Variants in NXPE2 observed in about 807,000 individuals in gnomAD.
NXPE2 encodes neurexophilin and PC-esterase domain family member 2.
A neutral mutation model predicts 34.4 loss-of-function variants in NXPE2; 34 were observed. The observed-to-expected ratio is 0.99, with a 90% CI of 0.75 to 1.31. The LOEUF (loss-of-function observed/expected upper bound fraction) is 1.31, where lower values mean the gene tolerates loss of function less well. Among genes scored for constraint, NXPE2 ranks in the 40% most tolerant of loss-of-function variants. The pLI is 0.00. For synonymous variants in NXPE2, 235 were observed against 231.3 expected, an observed-to-expected ratio of 1.02 and a Z score of -0.15; for missense variants, 649 against 672.5, an observed-to-expected ratio of 0.97 and a Z score of 0.39.
chr11:114,719,093 T>C, the NXPE2 span, among the ~76,000 whole-genome samples: 1 of 152,222 alleles, frequency 6.6e-6, no homozygotes, highest in South Asian at 2.1e-4. Context: ...CTGTTCCTTG[T>C]ATTATTAGTT....
At chr11:114,591,731 T>C in the NXPE2 span, among the ~76,000 whole-genome samples, 1 of 151,950 alleles carries the variant, frequency 6.6e-6, no homozygotes, top group African/African-American at 2.4e-5. Context: ...AAACAATAAA[T>C]TCCATGCCCC....
the NXPE2 span, among the ~76,000 whole-genome samples, chr11:114,544,096 A>G: frequency 2.0e-5 from 3 of 152,190 alleles, no homozygotes; most frequent in African/African-American, 7.2e-5. Context: ...ATCTAAATAA[A>G]TGGAGAGAGA....
chr11:114,533,272 G>A, the NXPE2 span, among the ~76,000 whole-genome samples: 1 of 152,142 alleles, frequency 6.6e-6, no homozygotes, highest in East Asian at 1.9e-4. Flanking sequence ...AAACTCAAAA[G>A]CATTTAAATT....
intron 2 of NXPE2, among the ~76,000 whole-genome samples, chr11:114,686,626 AT>A (rs1159885016): frequency 6.6e-6 from 1 of 152,204 alleles, no homozygotes; most frequent in Non-Finnish European, 1.5e-5. Context: ...TCCATTGGGT[AT>A]ATACCCAGTA....
At chr11:114,581,372 T>C in the NXPE2 span, among the ~76,000 whole-genome samples, 1 of 152,030 alleles carries the variant, frequency 6.6e-6, no homozygotes, top group Non-Finnish European at 1.5e-5. Flanking sequence ...CTAGTGGTGA[T>C]ATGGGAAGAG....
the NXPE2 span, among the ~76,000 whole-genome samples, chr11:114,805,550 C>G: frequency 6.6e-6 from 1 of 152,254 alleles, no homozygotes; most frequent in Non-Finnish European, 1.5e-5. Flanking sequence ...TATCCCACAC[C>G]TGGCTCAGAG....
the NXPE2 span, among the ~76,000 whole-genome samples, chr11:114,517,155 C>G: frequency 7.2e-5 from 11 of 152,154 alleles, no homozygotes; most frequent in Admixed American, 2.0e-4. Context: ...TCAATGTCTT[C>G]TCTGTTGGGA....
the NXPE2 span, among the ~76,000 whole-genome samples, chr11:114,810,063 C>G: frequency 6.6e-3 from 992 of 150,668 alleles, 8 homozygotes; most frequent in African/African-American, 0.023. Flanking sequence ...TGATCTTTGA[C>G]AAACCTGACA....
chr11:114,633,192 T>C, the NXPE2 span, among the ~76,000 whole-genome samples: 2 of 130,150 alleles, frequency 1.5e-5, no homozygotes, highest in East Asian at 2.2e-4. Flanking sequence ...TTATATTTTA[T>C]TATGTATAAA....
At chr11:114,676,411 G>T (rs2135524050), upstream of NXPE2, among the ~76,000 whole-genome samples, 1 of 151,942 alleles carries the variant, frequency 6.6e-6, no homozygotes, top group East Asian at 1.9e-4. Flanking sequence ...TAAGTTAATA[G>T]TAAGAAAATG....
the NXPE2 span, among the ~76,000 whole-genome samples, chr11:114,640,061 T>C: frequency 1.7e-4 from 20 of 117,616 alleles, no homozygotes; most frequent in African/African-American, 5.4e-4. Context: ...ATATAATTTA[T>C]TTAAAATATA....
At chr11:114,811,564 A>AGT in the NXPE2 span, among the ~76,000 whole-genome samples, 1 of 152,168 alleles carries the variant, frequency 6.6e-6, no homozygotes. Context: ...ACAGCCAGGC[A>AGT]GTGGTAGGAA....
At chr11:114,497,564 C>T in the NXPE2 span, among the ~76,000 whole-genome samples, 5 of 152,104 alleles carry the variant, frequency 3.3e-5, no homozygotes, top group South Asian at 2.1e-4. Context: ...GTATTCAATA[C>T]GATAAATGCT....
At chr11:114,512,842 G>GA in the NXPE2 span, 1 of 207,968 alleles carries the variant, frequency 4.8e-6, no homozygotes, top group South Asian at 9.0e-5. Flanking sequence ...GCAGTAGAAG[G>GA]CTTCTTGGGT....
At chr11:114,554,242 C>A in the NXPE2 span, 2 of 976,164 alleles carry the variant, frequency 2.0e-6, no homozygotes, top group Admixed American at 6.2e-5. Flanking sequence ...CCTTTCCTGG[C>A]CTCTATTGTA....
the NXPE2 span, among the ~76,000 whole-genome samples, chr11:114,749,430 T>C: frequency 6.6e-6 from 1 of 151,932 alleles, no homozygotes; most frequent in East Asian, 1.9e-4. Flanking sequence ...TAAAATGGGG[T>C]CAGCACTCTA....
the NXPE2 span, among the ~76,000 whole-genome samples, chr11:114,614,128 C>G: frequency 6.6e-6 from 1 of 151,614 alleles, no homozygotes; most frequent in Non-Finnish European, 1.5e-5. Context: ...CCAGTGTTAC[C>G]TGCTGGATAA....
At chr11:114,557,651 ATAT>A in the NXPE2 span, among the ~76,000 whole-genome samples, 1 of 53,368 alleles carries the variant, frequency 1.9e-5, no homozygotes, top group Non-Finnish European at 3.6e-5. Context: ...ATATATATAT[ATAT>A]ATATATATAT....
At chr11:114,688,509 G>T (rs1012483642) in intron 2 of NXPE2, among the ~76,000 whole-genome samples, 6 of 152,022 alleles carry the variant, frequency 3.9e-5, no homozygotes, top group Admixed American at 6.6e-5. Context: ...AAGGAGTTTT[G>T]CATCTATATT....
Sources: gnomAD v4.1 joint callset for allele counts (sites outside exome capture counted in the v4.1 genomes callset) on GRCh38, gnomAD v4.1.1 for gene constraint, MANE v1.5 for transcripts, NCBI Gene and HGNC (gene_info 2026-07-23, HGNC 2026-07-21) for gene names.